Variants in SPOPL observed in about 807,000 individuals in gnomAD.
The protein encoded by SPOPL is speckle type BTB/POZ protein like, also known as speckle-type POZ protein-like.
A neutral mutation model predicts 53.8 loss-of-function variants in SPOPL; 23 were observed. The observed-to-expected ratio is 0.43, with a 90% CI of 0.31 to 0.61. The LOEUF (loss-of-function observed/expected upper bound fraction) is 0.61, where lower values mean the gene tolerates loss of function less well. Among genes scored for constraint, SPOPL ranks in the 20% least tolerant of loss-of-function variants. The probability of loss-of-function intolerance (pLI) is 0.12; values close to 1 mark genes in which losing one functional copy is unlikely to be tolerated. For synonymous variants in SPOPL, 164 were observed against 149.7 expected (o/e 1.10, Z -0.70); for missense variants, 442 against 466.9 (o/e 0.95, Z 0.49).
chr2:138,564,917 G>T, intron 9 of SPOPL, 23 bp from the exon 10 acceptor site: 1 of 1,613,624 alleles, frequency 6.2e-7, no homozygotes, highest in Non-Finnish European at 8.5e-7. Context: ...TTTTTTTTAA[G>T]TATGTTTAAA....
chr2:138,550,752 T>C (rs1685296160), intron 3 of SPOPL, 148 bp downstream of exon 3: 2 of 1,401,280 alleles, frequency 1.4e-6, no homozygotes, highest in South Asian at 1.4e-5. Flanking sequence ...TGGGGAATTA[T>C]AAAGAACTGT....
intron 1 of SPOPL, among the ~76,000 whole-genome samples, chr2:138,532,193 G>A (rs1016873985): frequency 6.6e-6 from 1 of 152,144 alleles, no homozygotes; most frequent in African/African-American, 2.4e-5. Flanking sequence ...TTTGGCAGAA[G>A]TCTTAAAGAG....
chr2:138,532,420 C>CTTTTTTTTTTTT (rs769229731), intron 1 of SPOPL, among the ~76,000 whole-genome samples: 1 of 53,224 alleles, frequency 1.9e-5, no homozygotes, highest in Admixed American at 3.0e-4. Flanking sequence ...TTTTTGTTCG[C>CTTTTTTTTTTTT]TTTTTTTTTT....
chr2:138,560,958 A>G, intron 8 of SPOPL, 31 bp downstream of exon 8: 2 of 1,592,292 alleles, frequency 1.3e-6, no homozygotes, highest in Non-Finnish European at 1.7e-6. Context: ...GAACCAAAAT[A>G]TACCCTCAAG....
At chr2:138,537,934 G>C (rs1684972728) in intron 1 of SPOPL, among the ~76,000 whole-genome samples, 1 of 152,058 alleles carries the variant, frequency 6.6e-6, no homozygotes, top group African/African-American at 2.4e-5. Context: ...TTTCATTAGT[G>C]GTTCAGTCTC....
rs750515327 is a variant in SPOPL at position 138,521,509 on chromosome 2, C to T, written c.-61+19390C>T. Among the ~76,000 whole-genome samples the T allele has an allele frequency of 5.5e-4, 83 of 151,618 alleles. 1 individual carries two copies. The highest frequency in any genetic ancestry group is 1.9e-3 in the South Asian group (9 of 4,786). On this transcript the variant is annotated intron_variant, in intron 1 of 10. Transcript: ENST00000280098. ...CAACAGAAATGAAATGATTTTGTGG[C>T]GTTATATTGTGTACACAGGGGTTCA...
At chr2:138,502,341 C>T (rs1307303773) in intron 1 of SPOPL, among the ~76,000 whole-genome samples, 1 of 152,246 alleles carries the variant, frequency 6.6e-6, no homozygotes, top group African/African-American at 2.4e-5. Flanking sequence ...CCACTTTCCC[C>T]GGGGTTGCCC....
Position 138,569,058 on chromosome 2 carries a change from G to A in SPOPL, c.1157G>A (p.Arg386His), listed in dbSNP as rs756747602. Residue 386 changes from arginine to histidine, a missense_variant, in exon 11 of 11, where the codon CGC becomes CAC. Physicochemically the swap from Arg to His is conservative, Grantham distance 29. Transcript: ENST00000280098. ...CAGTGTCCACAGTTTGGCATTCCACGCAAACGGCTAAAACAGTCCTGAAAT... is the reference window on the plus strand; with the variant it reads ...CAGTGTCCACAGTTTGGCATTCCACACAAACGGCTAAAACAGTCCTGAAAT... ...SAQCPQFGIP[R>H]KRLKQS 2.0e-5 allele frequency: 32 copies of A among 1,613,312 alleles called. No homozygotes were observed. The Admixed American group carries it at 2.7e-4, about 13-fold the overall frequency.
Position 138,521,732 on chromosome 2 carries a change from A to G in SPOPL, c.-61+19613A>G, listed in dbSNP as rs58896740. On this transcript the variant is annotated intron_variant, in intron 1 of 10. Coordinates refer to ENST00000280098, the MANE Select transcript of SPOPL (RefSeq NM_001001664.3). ...CTTTACCCTTGTAAACTTTTCATGTATCTATAAAATGTAATTAAAACTACC... is the reference window on the plus strand; with the variant it reads ...CTTTACCCTTGTAAACTTTTCATGTGTCTATAAAATGTAATTAAAACTACC... Among the ~76,000 whole-genome samples, 1,426 of 152,284 alleles carry G rather than the reference A, an allele frequency of 9.4e-3. 26 individuals carry two copies. The highest frequency in any genetic ancestry group is 0.033 in the African/African-American group (1,358 of 41,558).
In SPOPL at chr2:138,571,389, TAAAG is replaced by T. The variant is rs1443831134; in HGVS notation, c.*2311_*2314del. 6.6e-6 allele frequency: 1 copy of T among 152,526 alleles called. No homozygotes were observed. The highest frequency in any genetic ancestry group is 1.5e-5 in the Non-Finnish European group (1 of 68,004). The allele number at this position is 152,526 out of a possible 1,614,324, so 9.4% of individuals were successfully genotyped here. A position where few individuals can be genotyped will look rare whatever the true frequency, so the allele number is the denominator to read the frequency against. On this transcript the variant is annotated 3_prime_UTR_variant, in exon 11 of 11. Coordinates refer to ENST00000280098, the MANE Select transcript of SPOPL (RefSeq NM_001001664.3). The stretch of plus-strand genomic sequence containing the variant: ...ATTGCAAATCTTAAGGATTTTATTA[TAAAG>T]ATTTTTTTTTTAGTTTGGTAGCACA...
rs567090795 is a variant in SPOPL at position 138,543,807 on chromosome 2, C to T, written c.-60-6350C>T. On this transcript the variant is annotated intron_variant, in intron 1 of 10. Transcript: ENST00000280098. ...CTGCGTTCCTTTGGAGGAGGAGAGG[C>T]GCTCTGATTTTTAGAGTTTCCAGTT... Among the ~76,000 whole-genome samples the T allele has an allele frequency of 2.2e-4, 34 of 152,224 alleles. No homozygotes were observed. The South Asian group carries it at 3.1e-3, about 14-fold the overall frequency.
intron 5 of SPOPL, among the ~76,000 whole-genome samples, chr2:138,553,320 A>G (rs942084990): frequency 1.3e-5 from 2 of 152,066 alleles, no homozygotes; most frequent in Non-Finnish European, 2.9e-5. Flanking sequence ...TGCTTTTGTC[A>G]TGTTATCATT....
At chr2:138,548,225 C>T (rs1404941584) in intron 1 of SPOPL, among the ~76,000 whole-genome samples, 1 of 141,102 alleles carries the variant, frequency 7.1e-6, no homozygotes, top group East Asian at 2.1e-4. Flanking sequence ...TCATTGATTA[C>T]AAGTGAAGGT....
At chr2:138,550,843 C>G in intron 3 of SPOPL, 60 bp from the exon 4 acceptor site, 2 of 1,543,370 alleles carry the variant, frequency 1.3e-6, no homozygotes, top group East Asian at 2.3e-5. Flanking sequence ...CTCTCTCTCT[C>G]TCTCTCGAAT....
chr2:138,541,437 T>A (rs1685069866), intron 1 of SPOPL, among the ~76,000 whole-genome samples: 1 of 152,202 alleles, frequency 6.6e-6, no homozygotes, highest in Admixed American at 6.5e-5. Flanking sequence ...TATTGGTCTA[T>A]TCAGAGATTC....
At chr2:138,517,669 G>C (rs1269824716) in intron 1 of SPOPL, among the ~76,000 whole-genome samples, 1 of 151,846 alleles carries the variant, frequency 6.6e-6, no homozygotes, top group African/African-American at 2.4e-5. Flanking sequence ...GAACCCAGGA[G>C]GTGAGCTTGC....
chr2:138,531,601 C>G (rs984160632), intron 1 of SPOPL, among the ~76,000 whole-genome samples: 1 of 152,022 alleles, frequency 6.6e-6, no homozygotes, highest in African/African-American at 2.4e-5. Context: ...CTTTGTAATA[C>G]CTATATTTTT....
At chr2:138,523,708 C>G (rs966793269) in intron 1 of SPOPL, among the ~76,000 whole-genome samples, 1 of 152,290 alleles carries the variant, frequency 6.6e-6, no homozygotes, top group East Asian at 1.9e-4. Flanking sequence ...CAAAATCCAG[C>G]AGGGCAGTCA....
At chr2:138,562,967 T>C (rs953097453) in intron 8 of SPOPL, among the ~76,000 whole-genome samples, 11 of 152,070 alleles carry the variant, frequency 7.2e-5, no homozygotes, top group Non-Finnish European at 1.6e-4. Context: ...TTTCAACTTC[T>C]TTTCTTCGAA....
Sources: gnomAD v4.1 joint callset for allele counts (sites outside exome capture counted in the v4.1 genomes callset) on GRCh38, gnomAD v4.1.1 for gene constraint, MANE v1.5 for transcripts, NCBI Gene and HGNC (gene_info 2026-07-23, HGNC 2026-07-21) for gene names.